The following PRCC variants were observed in gnomAD, a reference collection of about 807,000 sequenced individuals.
The protein encoded by PRCC is proline rich mitotic checkpoint control factor, also known as proline-rich protein PRCC.
PRCC carries 10 observed loss-of-function variants against 44.0 expected under a neutral mutation model. That is an observed-to-expected ratio of 0.23 (90% CI 0.14 to 0.39). PRCC has a LOEUF of 0.39. PRCC is among the 10% of genes least tolerant of loss of function. The probability of loss-of-function intolerance (pLI) is 1.00; values close to 1 mark genes in which losing one functional copy is unlikely to be tolerated. For synonymous variants in PRCC, 278 were observed against 259.5 expected, an observed-to-expected ratio of 1.07 and a Z score of -0.69; for missense variants, 573 against 624.7, an observed-to-expected ratio of 0.92 and a Z score of 0.88.
At chr1:156,782,717 T>A (rs1410629807) in intron 2 of PRCC, among the ~76,000 whole-genome samples, 1 of 152,182 alleles carries the variant, frequency 6.6e-6, no homozygotes, top group Non-Finnish European at 1.5e-5. Flanking sequence ...AGCACTTAAA[T>A]AGCACTTACT....
At chr1:156,773,736 A>T (rs1220011097) in intron 1 of PRCC, among the ~76,000 whole-genome samples, 1 of 152,170 alleles carries the variant, frequency 6.6e-6, no homozygotes, top group African/African-American at 2.4e-5. Context: ...CAGAATGATG[A>T]TCCACCAATT....
chr1:156,794,946 A>C, intron 5 of PRCC, 138 bp downstream of exon 5: 3 of 1,079,434 alleles, frequency 2.8e-6, no homozygotes, highest in Non-Finnish European at 4.0e-6. Flanking sequence ...ATGGTACTGG[A>C]GTATGCACTA....
In PRCC at chr1:156,784,125, T is replaced by A. The variant is rs193172664; in HGVS notation, c.516+1796T>A. Among the ~76,000 whole-genome samples the A allele has an allele frequency of 7.6e-3, 1,156 of 152,188 alleles. 12 individuals are homozygous for A. Among genetic ancestry groups the A allele is most frequent in the African/African-American group, 0.026 (1,082 of 41,518 alleles). ...CCACACCCGGCTAATTTTTTTGTAT[T>A]TTTAGTAGAGATGGGGTTTCACCGT... On this transcript the variant is annotated intron_variant, in intron 2 of 6. Coordinates refer to ENST00000271526, the MANE Select transcript of PRCC (RefSeq NM_005973.5).
At chr1:156,778,616 TC>T (rs1651914845) in intron 1 of PRCC, among the ~76,000 whole-genome samples, 2 of 148,146 alleles carry the variant, frequency 1.4e-5, no homozygotes, top group Admixed American at 1.4e-4. Context: ...AGGGTCTCAC[TC>T]TGTTGCCCAG....
In PRCC at chr1:156,767,628, C is replaced by T; in HGVS notation, c.-144C>T. ...AATCAGCCGTAGCCATGAGTTTCTG[C>T]CGGGGCTAGCCCTAGAGTACGGAGC... On this transcript the variant is annotated 5_prime_UTR_variant, in exon 1 of 7. Transcript: ENST00000271526. The T allele has an allele frequency of 2.6e-6, 2 of 774,758 alleles. No individual in the cohort carries two copies. The highest frequency in any genetic ancestry group is 2.0e-6 in the Non-Finnish European group (1 of 491,888). 48.0% of individuals were successfully genotyped at this position (774,758 alleles called of 1,614,324 possible).
chr1:156,784,729 A>G (rs1039375197), intron 2 of PRCC, among the ~76,000 whole-genome samples: 4 of 152,244 alleles, frequency 2.6e-5, no homozygotes, highest in East Asian at 1.9e-4. Flanking sequence ...GCTGGAGTAC[A>G]CTAGTACTCT....
chr1:156,774,409 G>A (rs1223618620), intron 1 of PRCC, among the ~76,000 whole-genome samples: 3 of 151,486 alleles, frequency 2.0e-5, no homozygotes, highest in South Asian at 2.1e-4. Context: ...CCCTGACCTC[G>A]TGATCCGCCC....
chr1:156,789,350 T>C (rs1166045912), intron 3 of PRCC, among the ~76,000 whole-genome samples: 20 of 152,202 alleles, frequency 1.3e-4, no homozygotes, highest in Non-Finnish European at 8.8e-5. Context: ...GCACTTCCCC[T>C]ATGTTGAAAA....
intron 3 of PRCC, among the ~76,000 whole-genome samples, chr1:156,790,885 C>T (rs1260809715): frequency 1.3e-5 from 2 of 152,160 alleles, no homozygotes; most frequent in Non-Finnish European, 2.9e-5. Flanking sequence ...GAATATTAAA[C>T]CTATTTTCAT....
intron 2 of PRCC, among the ~76,000 whole-genome samples, chr1:156,782,902 CAATA>C (rs1274079450): frequency 1.3e-5 from 2 of 151,880 alleles, no homozygotes; most frequent in African/African-American, 4.8e-5. Context: ...GGCAATCAGA[CAATA>C]TATATATTTT....
chr1:156,788,640 TC>T (rs1188604700), intron 3 of PRCC, among the ~76,000 whole-genome samples: 1 of 150,264 alleles, frequency 6.7e-6, no homozygotes, highest in Non-Finnish European at 1.5e-5. Context: ...TTCTCGTTTC[TC>T]CACAACCTTG....
rs754547690 is a variant in PRCC at position 156,782,305 on chromosome 1, C to A, written c.492C>A (p.Pro164=). The change falls in exon 2 of 7, where the codon CCC becomes CCA. Residue 164 remains proline, a synonymous_variant. Coordinates refer to ENST00000271526, the MANE Select transcript of PRCC (RefSeq NM_005973.5). ...KGDSDSEEDE[P]TKKKTILQGS... Reference sequence around the variant, plus strand: ...AGTCAGATTCTGAGGAAGATGAACCCACAAAGAAGAAAACTATCCTTCAGG... The same window carrying A: ...AGTCAGATTCTGAGGAAGATGAACCAACAAAGAAGAAAACTATCCTTCAGG... 2.0e-5 allele frequency: 32 copies of A among 1,607,930 alleles called. No homozygotes were observed. In the Admixed American group the frequency reaches 5.3e-4, roughly 27 times the overall value.
chr1:156,770,641 C>T (rs1651599835), intron 1 of PRCC, among the ~76,000 whole-genome samples: 1 of 152,220 alleles, frequency 6.6e-6, no homozygotes, highest in South Asian at 2.1e-4. Context: ...TCCCAAAGTG[C>T]CGGGATTACA....
chr1:156,796,313 A>G (rs1652659633), intron 5 of PRCC: 1 of 152,240 alleles, frequency 6.6e-6, no homozygotes, highest in South Asian at 2.1e-4. Context: ...CCGTCTCATT[A>G]TATTGAACTA....
chr1:156,771,816 C>T (rs1038648545), intron 1 of PRCC, among the ~76,000 whole-genome samples: 2 of 152,096 alleles, frequency 1.3e-5, no homozygotes, highest in African/African-American at 4.8e-5. Context: ...CAGATGTGAG[C>T]CACCACGCCT....
chr1:156,768,359 G>A (rs1651498168), intron 1 of PRCC, 120 bp downstream of exon 1: 1 of 1,083,272 alleles, frequency 9.2e-7, no homozygotes, highest in South Asian at 1.4e-5. Flanking sequence ...AAGGCCACTG[G>A]AATCCTCTTA....
intron 3 of PRCC, chr1:156,791,238 T>G (rs1051717986): frequency 7.3e-6 from 8 of 1,094,510 alleles, no homozygotes; most frequent in Non-Finnish European, 9.0e-6. Flanking sequence ...TTAGACTGTT[T>G]CCCTGTATCC....
At chr1:156,798,035 C>A (rs537536037) in intron 6 of PRCC, among the ~76,000 whole-genome samples, 2 of 150,558 alleles carry the variant, frequency 1.3e-5, no homozygotes, top group Non-Finnish European at 3.0e-5. Flanking sequence ...CTGCCGTCTC[C>A]TGGGCTCAAA....
At chr1:156,775,266 G>T (rs1047185947) in intron 1 of PRCC, among the ~76,000 whole-genome samples, 3 of 151,890 alleles carry the variant, frequency 2.0e-5, no homozygotes, top group African/African-American at 4.8e-5. Context: ...AATTGTTTTT[G>T]TGTGGAGATG....
Sources: gnomAD v4.1 joint callset for allele counts (sites outside exome capture counted in the v4.1 genomes callset) on GRCh38, gnomAD v4.1.1 for gene constraint, MANE v1.5 for transcripts, NCBI Gene and HGNC (gene_info 2026-07-23, HGNC 2026-07-21) for gene names.